Variants in TCERG1 observed in about 807,000 individuals in gnomAD.
TCERG1 encodes the protein transcription elongation regulator 1.
In TCERG1, 37 loss-of-function variants were observed where a neutral mutation model predicts 144.7. That is an observed-to-expected ratio of 0.26 (90% CI 0.20 to 0.34). TCERG1 has a LOEUF of 0.34. Among genes scored for constraint, TCERG1 ranks in the 10% least tolerant of loss-of-function variants. The pLI is 1.00. For missense variants in TCERG1, 1,027 were observed against 1,380.7 expected (o/e 0.74, Z 4.06); for synonymous variants, 492 against 458.2 (o/e 1.07, Z -0.94).
intron 4 of TCERG1, 28 bp from the exon 5 acceptor site, chr5:146,463,521 GAT>G: frequency 6.2e-7 from 1 of 1,613,210 alleles, no homozygotes; most frequent in East Asian, 2.2e-5. Context: ...ATGAAGGAGT[GAT>G]ACATGTTTTT....
intron 1 of TCERG1, among the ~76,000 whole-genome samples, chr5:146,453,338 G>A (rs1459444661): frequency 1.3e-5 from 2 of 152,076 alleles, no homozygotes; most frequent in Non-Finnish European, 2.9e-5. Flanking sequence ...AATAAAGCTA[G>A]GGTGTTATTC....
At position 146,468,357 on chromosome 5, in the gene TCERG1, A is replaced by T. The variant is rs146884529; in HGVS notation, c.1152A>T (p.Gln384His). 163 of 1,610,490 alleles carry T rather than the reference A, an allele frequency of 1.0e-4. No individual in the cohort carries two copies. The highest frequency in any genetic ancestry group is 1.3e-4 in the Non-Finnish European group (156 of 1,178,392). The change falls in exon 6 of 23, where the codon CAA (glutamine) becomes CAT (histidine). Residue 384 changes from glutamine to histidine, a missense_variant. Physicochemically the swap from Gln to His is conservative, Grantham distance 24 (BLOSUM62 0). This residue lies in a region of TCERG1 where 482 missense variants were observed against 632.6 expected (regional missense o/e 0.76). Transcript: ENST00000679501. The part of the protein sequence containing the change: ...PIPLPGVAMM[Q>H]IVSCPYVKTV... Reference sequence around the variant, plus strand: ...ATTTTACAGGTGTAGCAATGATGCAAATAGTCAGCTGCCCGTATGTAAAGA... The same window carrying T: ...ATTTTACAGGTGTAGCAATGATGCATATAGTCAGCTGCCCGTATGTAAAGA...
rs181381943 is a variant in TCERG1, at chr5:146,460,747, G to A, written c.892+1410G>A. ...TAATGGTTTTTAGACATTTTGTAGC[G>A]GGGGAATGTACTGAACAGGAAAATA... On this transcript the variant is annotated intron_variant, in intron 4 of 22. Coordinates refer to ENST00000679501, the MANE Select transcript of TCERG1 (RefSeq NM_001382548.1). 4.6e-5 allele frequency among the ~76,000 whole-genome samples: 7 copies of A among 152,234 alleles called. No individual in the cohort carries two copies. In the East Asian group the frequency reaches 1.2e-3, roughly 25 times the overall value.
At chr5:146,465,743 T>C (rs1361603927) in intron 5 of TCERG1, among the ~76,000 whole-genome samples, 1 of 152,042 alleles carries the variant, frequency 6.6e-6, no homozygotes, top group African/African-American at 2.4e-5. Context: ...TACAAAGTGA[T>C]ATATTAGGCT....
intron 4 of TCERG1, among the ~76,000 whole-genome samples, chr5:146,459,669 C>T (rs534658430): frequency 1.8e-4 from 28 of 152,056 alleles, no homozygotes; most frequent in Non-Finnish European, 3.8e-4. Context: ...TATTCCTAAT[C>T]GAGGAGGCAA....
rs558771630 is a variant in TCERG1, at chr5:146,508,315, G to A, written c.3045+359G>A. ...TGACTCTTAAGCCAAACAGAGCCCT[G>A]TAATGAGATCGCTAGTTCTCATATG... On this transcript the variant is annotated intron_variant, in intron 21 of 22. Coordinates refer to ENST00000679501, the MANE Select transcript of TCERG1 (RefSeq NM_001382548.1). Among the ~76,000 whole-genome samples, 5 of 152,306 alleles carry A rather than the reference G, an allele frequency of 3.3e-5. No individual in the cohort carries two copies. In the South Asian group the frequency reaches 1.0e-3, roughly 32 times the overall value.
chr5:146,500,311 T>C (rs929456360), intron 17 of TCERG1, among the ~76,000 whole-genome samples: 2 of 152,126 alleles, frequency 1.3e-5, no homozygotes, highest in African/African-American at 4.8e-5. Flanking sequence ...TATATTCACA[T>C]TTTGAGCACA....
At chr5:146,490,575 A>G (rs1322693942) in intron 15 of TCERG1, among the ~76,000 whole-genome samples, 1 of 152,196 alleles carries the variant, frequency 6.6e-6, no homozygotes, top group Non-Finnish European at 1.5e-5. Flanking sequence ...TTTCTCTATA[A>G]GTATGTAGCT....
chr5:146,503,580 ACAATTCTTG>A, intron 18 of TCERG1, 41 bp downstream of exon 18: 2 of 1,601,816 alleles, frequency 1.2e-6, no homozygotes, highest in Non-Finnish European at 1.7e-6. Flanking sequence ...ATTGAATAAT[ACAATTCTTG>A]TGTTTAAGGG....
At chr5:146,474,054 G>T (rs1230697771) in intron 9 of TCERG1, among the ~76,000 whole-genome samples, 1 of 113,858 alleles carries the variant, frequency 8.8e-6, no homozygotes, top group Non-Finnish European at 1.8e-5. Flanking sequence ...ATTTCATCAG[G>T]CTATAGCTGC....
intron 15 of TCERG1, among the ~76,000 whole-genome samples, chr5:146,489,838 T>C (rs925789049): frequency 1.3e-5 from 2 of 152,104 alleles, no homozygotes; most frequent in African/African-American, 2.4e-5. Flanking sequence ...CCACTTAACA[T>C]AGGGAACATA....
At chr5:146,499,105 A>G (rs896322603) in intron 17 of TCERG1, among the ~76,000 whole-genome samples, 2 of 152,232 alleles carry the variant, frequency 1.3e-5, no homozygotes, top group Admixed American at 1.3e-4. Flanking sequence ...CATATCTTAC[A>G]TATAAATTAT....
rs556313023 is a variant in TCERG1, at chr5:146,455,770, C to T, written c.285+489C>T. 5.3e-5 allele frequency among the ~76,000 whole-genome samples: 8 copies of T among 152,176 alleles called. No homozygotes were observed. In the East Asian group the frequency reaches 1.5e-3, roughly 29 times the overall value. Reference sequence around the variant, plus strand: ...ATAAGCACATAGTTGAATTTTTTTTCTCCCCTGGGGGGAAAATAGGGTTAT... The same window carrying T: ...ATAAGCACATAGTTGAATTTTTTTTTTCCCCTGGGGGGAAAATAGGGTTAT... On this transcript the variant is annotated intron_variant, in intron 2 of 22. Coordinates refer to ENST00000679501, the MANE Select transcript of TCERG1 (RefSeq NM_001382548.1).
At chr5:146,471,893 G>A (rs1447093351) in intron 9 of TCERG1, among the ~76,000 whole-genome samples, 2 of 152,074 alleles carry the variant, frequency 1.3e-5, no homozygotes, top group African/African-American at 4.8e-5. Flanking sequence ...CACCGTGCCC[G>A]GCCTCAAGTA....
At chr5:146,481,307 TA>T (rs1168500348) in intron 13 of TCERG1, 107 bp downstream of exon 13, 22 of 468,348 alleles carry the variant, frequency 4.7e-5, no homozygotes, top group Non-Finnish European at 5.9e-5. Flanking sequence ...AGTATAGTTC[TA>T]TAAAGGTTAT....
At chr5:146,504,729 G>A (rs1174724872) in intron 19 of TCERG1, among the ~76,000 whole-genome samples, 1 of 152,134 alleles carries the variant, frequency 6.6e-6, no homozygotes, top group African/African-American at 2.4e-5. Context: ...ATTGGAAGGA[G>A]AATTGTCTTG....
chr5:146,499,536 G>T, intron 17 of TCERG1: 1 of 152,160 alleles, frequency 6.6e-6, no homozygotes, highest in Non-Finnish European at 1.5e-5. Context: ...GAGTTTTCCA[G>T]AATTGTTTCA....
In TCERG1 at chr5:146,459,147, A is replaced by AGCTCAG. The variant is rs781190996; in HGVS notation, c.705_710dup (p.Ala241_Gln242dup). ...AGGCCCAGGCTCAGGCTCAGGCACAAGCTCAGGCCCAGGCCCAGGCTCAGG... is the reference window on the plus strand; with the variant it reads ...AGGCCCAGGCTCAGGCTCAGGCACAAGCTCAGGCTCAGGCCCAGGCCCAGGCTCAGG... On this transcript the variant is annotated inframe_insertion, in exon 4 of 23. Transcript: ENST00000679501. The AGCTCAG allele has an allele frequency of 6.8e-6, 11 of 1,609,530 alleles. No homozygotes were observed. The highest frequency in any genetic ancestry group is 1.3e-5 in the African/African-American group (1 of 74,262).
chr5:146,482,409 A>C, intron 13 of TCERG1, 183 bp from the exon 14 acceptor site: 2 of 448,902 alleles, frequency 4.5e-6, no homozygotes, highest in Non-Finnish European at 7.8e-6. Flanking sequence ...GCCCATTTTA[A>C]TTTTGTTATT....
Sources: gnomAD v4.1 joint callset for allele counts (sites outside exome capture counted in the v4.1 genomes callset) on GRCh38, gnomAD v4.1.1 for gene constraint, gnomAD v4.1.1 regional missense constraint, MANE v1.5 for transcripts, NCBI Gene and HGNC (gene_info 2026-07-23, HGNC 2026-07-21) for gene names.